Variants in USP32 observed in about 807,000 individuals in gnomAD.
USP32 encodes the protein ubiquitin carboxyl-terminal hydrolase 32.
In USP32, 59 loss-of-function variants were observed where a neutral mutation model predicts 204.8. That is an observed-to-expected ratio of 0.29 (90% CI 0.23 to 0.36). The LOEUF (loss-of-function observed/expected upper bound fraction) is 0.36. USP32 is among the 10% of genes least tolerant of loss of function. The pLI is 1.00. For synonymous variants in USP32, 517 were observed against 678.4 expected, an observed-to-expected ratio of 0.76 and a Z score of 3.70; for missense variants, 1,160 against 1,946.4, an observed-to-expected ratio of 0.60 and a Z score of 7.60.
intron 2 of USP32, among the ~76,000 whole-genome samples, chr17:60,328,025 G>A (rs780955837): frequency 2.0e-5 from 3 of 152,220 alleles, no homozygotes; most frequent in Admixed American, 6.5e-5. Context: ...CATGGATGGC[G>A]GCAGGCAGCA....
chr17:60,386,364 T>TA (rs72099332), intron 1 of USP32, among the ~76,000 whole-genome samples: 15,596 of 133,936 alleles, frequency 0.12, 981 homozygotes, highest in East Asian at 0.2. Flanking sequence ...GTTCATAAAT[T>TA]AAAAAAAAAA....
In USP32 at chr17:60,214,604, C is replaced by T; in HGVS notation, c.2022+16G>A. 1 of 1,611,610 alleles carries T rather than the reference C, an allele frequency of 6.2e-7. No homozygotes were observed. The highest frequency in any genetic ancestry group is 1.1e-5 in the South Asian group (1 of 90,838). ...ACCAACAATCAGACTCTCTATGACT[C>T]TGAGATGCCTCTTACCTCACTGTTG... On this transcript the variant is annotated intron_variant, in intron 17 of 33. Coordinates refer to ENST00000300896, the MANE Select transcript of USP32 (RefSeq NM_032582.4).
intron 5 of USP32, among the ~76,000 whole-genome samples, chr17:60,286,525 A>C (rs2087117211): frequency 6.6e-6 from 1 of 152,224 alleles, no homozygotes. Flanking sequence ...GAGGCAGAGC[A>C]GGAGGCACCT....
intron 2 of USP32, among the ~76,000 whole-genome samples, chr17:60,336,855 A>G (rs917379060): frequency 3.9e-4 from 60 of 152,216 alleles, no homozygotes; most frequent in Non-Finnish European, 6.9e-4. Flanking sequence ...AGTTACAGGG[A>G]AAGATTTCAA....
intron 1 of USP32, among the ~76,000 whole-genome samples, chr17:60,402,530 A>G (rs1215960084): frequency 2.0e-5 from 3 of 151,960 alleles, no homozygotes; most frequent in Admixed American, 2.0e-4. Flanking sequence ...TTACAGGCAT[A>G]AGCCACTGTG....
intron 5 of USP32, among the ~76,000 whole-genome samples, chr17:60,280,909 T>C (rs994895434): frequency 1.3e-5 from 2 of 152,230 alleles, no homozygotes; most frequent in Non-Finnish European, 2.9e-5. Flanking sequence ...CTAAGAAACT[T>C]AGCAGTAATT....
chr17:60,229,969 G>A (rs1204701001), intron 12 of USP32, among the ~76,000 whole-genome samples: 2 of 151,926 alleles, frequency 1.3e-5, no homozygotes, highest in Non-Finnish European at 2.9e-5. Context: ...ACGCACCACT[G>A]CGCCTGGCTA....
intron 15 of USP32, among the ~76,000 whole-genome samples, chr17:60,220,891 G>A (rs544456449): frequency 1.3e-5 from 2 of 151,722 alleles, no homozygotes; most frequent in South Asian, 4.2e-4. Flanking sequence ...TTCGTGATCC[G>A]CCCGCCTCAG....
chr17:60,209,634 A>G (rs1239463524), intron 21 of USP32, 91 bp from the exon 22 acceptor site: 1 of 836,266 alleles, frequency 1.2e-6, no homozygotes, highest in Admixed American at 3.0e-5. Context: ...CCATTGTAAG[A>G]AAATAAATAG....
At chr17:60,421,684 G>A (rs949449004) in intron 1 of USP32, 94 of 847,822 alleles carry the variant, frequency 1.1e-4, no homozygotes, top group Middle Eastern at 6.0e-4. Context: ...CGAGGGTCCC[G>A]GGGCCTCCTG....
intron 1 of USP32, among the ~76,000 whole-genome samples, chr17:60,418,813 G>T (rs1161000096): frequency 2.0e-5 from 3 of 152,082 alleles, no homozygotes; most frequent in Admixed American, 6.6e-5. Flanking sequence ...ACCACAGTGA[G>T]ATACCACCTC....
rs145209160 is a variant in USP32 at position 60,361,864 on chromosome 17, G to GTA, written c.59-16258_59-16257dup. Among the ~76,000 whole-genome samples, 349 of 151,402 alleles carry GTA rather than the reference G, an allele frequency of 2.3e-3. 1 individual carries two copies. Among genetic ancestry groups the GTA allele is most frequent in the African/African-American group, 3.3e-3 (135 of 41,350 alleles). On this transcript the variant is annotated intron_variant, in intron 1 of 33. Transcript: ENST00000300896. ...ACAGTGTGGAGAGAGAAAGATACAT[G>GTA]TATATATATATATGCCATTTGGCCT...
intron 2 of USP32, among the ~76,000 whole-genome samples, chr17:60,323,555 C>A (rs1258439274): frequency 6.6e-6 from 1 of 152,114 alleles, no homozygotes; most frequent in African/African-American, 2.4e-5. Context: ...ACTCTATGAA[C>A]ATAGTAAAAG....
intron 6 of USP32, among the ~76,000 whole-genome samples, chr17:60,270,468 C>A (rs2086697156): frequency 6.6e-6 from 1 of 152,136 alleles, no homozygotes; most frequent in Non-Finnish European, 1.5e-5. Context: ...CCCAAGTATT[C>A]ATATTCAAAA....
At chr17:60,234,510 G>A (rs1252813125) in intron 12 of USP32, among the ~76,000 whole-genome samples, 2 of 151,518 alleles carry the variant, frequency 1.3e-5, no homozygotes, top group Non-Finnish European at 2.9e-5. Flanking sequence ...GGCAGATCAC[G>A]AGGTCAGGAG....
chr17:60,306,177 C>G (rs2087718071), intron 2 of USP32, among the ~76,000 whole-genome samples: 1 of 152,152 alleles, frequency 6.6e-6, no homozygotes, highest in South Asian at 2.1e-4. Context: ...GTGCCACACT[C>G]ATTACTAATT....
At chr17:60,268,156 A>G (rs763294551) in intron 7 of USP32, among the ~76,000 whole-genome samples, 29 of 152,324 alleles carry the variant, frequency 1.9e-4, no homozygotes, top group Non-Finnish European at 3.8e-4. Flanking sequence ...CATGCTAACA[A>G]TTAGAACACC....
intron 3 of USP32, among the ~76,000 whole-genome samples, chr17:60,296,154 TAAGA>T (rs2145874678): frequency 6.6e-6 from 1 of 152,288 alleles, no homozygotes; most frequent in South Asian, 2.1e-4. Flanking sequence ...GATACAATGT[TAAGA>T]AATAGTTAAG....
At chr17:60,389,254 G>T (rs2089786068) in intron 1 of USP32, among the ~76,000 whole-genome samples, 1 of 152,120 alleles carries the variant, frequency 6.6e-6, no homozygotes, top group African/African-American at 2.4e-5. Flanking sequence ...TCTATCAAAA[G>T]ATTCTGGGGA....
Sources: gnomAD v4.1 joint callset for allele counts (sites outside exome capture counted in the v4.1 genomes callset) on GRCh38, gnomAD v4.1.1 for gene constraint, MANE v1.5 for transcripts, NCBI Gene and HGNC (gene_info 2026-07-23, HGNC 2026-07-21) for gene names.